Variants in AHRR observed in about 807,000 individuals in gnomAD.
AHRR encodes aryl hydrocarbon receptor repressor.
A neutral mutation model predicts 44.0 loss-of-function variants in AHRR; 28 were observed. The ratio of observed to expected loss-of-function variants is 0.64; its 90% CI spans 0.47 to 0.87. The LOEUF (loss-of-function observed/expected upper bound fraction) is 0.87, where lower values mean the gene tolerates loss of function less well. AHRR is among the 40% of genes least tolerant of loss of function. The pLI, the probability that AHRR is intolerant of heterozygous loss-of-function variation, is 0.00. For missense variants in AHRR, 990 were observed against 953.9 expected (o/e 1.04, Z -0.50); for synonymous variants, 434 against 407.0 (o/e 1.07, Z -0.80).
At chr5:348,917 T>C (rs1410226478) in intron 2 of AHRR, among the ~76,000 whole-genome samples, 1 of 152,232 alleles carries the variant, frequency 6.6e-6, no homozygotes, top group Non-Finnish European at 1.5e-5. Context: ...AGTGGTGTCA[T>C]TTCCCATTCC....
intron 3 of AHRR, 53 bp from the exon 4 acceptor site, chr5:376,557 A>AACGCGGGGAAACACAGGAAAGCT: frequency 7.0e-7 from 1 of 1,423,178 alleles, no homozygotes; most frequent in Non-Finnish European, 9.5e-7. Context: ...AATGAAGAAG[A>AACGCGGGGAAACACAGGAAAGCT]GTGGCCAGGC....
At chr5:367,946 T>C in intron 3 of AHRR, 1 of 702,520 alleles carries the variant, frequency 1.4e-6, no homozygotes, top group Non-Finnish European at 2.6e-6. Flanking sequence ...CTGTTGATGG[T>C]GAATATTGCA....
At chr5:408,209 G>A (rs1192156398) in intron 4 of AHRR, among the ~76,000 whole-genome samples, 1 of 152,238 alleles carries the variant, frequency 6.6e-6, no homozygotes, top group Non-Finnish European at 1.5e-5. Flanking sequence ...GCCATCCTGG[G>A]GGCCAGGGTT....
intron 3 of AHRR, among the ~76,000 whole-genome samples, chr5:361,522 G>A (rs1200871773): frequency 1.3e-5 from 2 of 152,202 alleles, no homozygotes; most frequent in Non-Finnish European, 2.9e-5. Context: ...CAGGCACAGG[G>A]CAGGGCTGTC....
chr5:403,032 G>T lies in AHRR; in HGVS notation c.352-10312G>T, dbSNP rs530313663. ...AGTCAGTGGTTACCAGGGGCCGGGG[G>T]TGTGGGAGGGGGATAAAGAAGGAAG... On this transcript the variant is annotated intron_variant, in intron 4 of 10. Coordinates refer to ENST00000684583, the MANE Select transcript of AHRR (RefSeq NM_001377236.1). Among the ~76,000 whole-genome samples the T allele has an allele frequency of 2.6e-5, 4 of 152,300 alleles. No homozygotes were observed. The East Asian group carries it at 5.8e-4, about 22-fold the overall frequency.
At position 386,552 on chromosome 5, in the gene AHRR, G is replaced by A. The variant is rs1190718054; in HGVS notation, c.351+9836G>A. 2.6e-5 allele frequency among the ~76,000 whole-genome samples: 4 copies of A among 152,374 alleles called. No homozygotes were observed. The East Asian group carries it at 7.7e-4, about 29-fold the overall frequency. ...CCTTGGCCCTGAGCCAAGGTGTGGA[G>A]CGCAGGCAGCCTCTTGAAGCTGGGA... is the stretch of plus-strand genomic sequence containing the variant. On this transcript the variant is annotated intron_variant, in intron 4 of 10. Transcript: ENST00000684583.
chr5:432,267 C>T, intron 8 of AHRR, 196 bp from the exon 9 acceptor site: 1 of 568,836 alleles, frequency 1.8e-6, no homozygotes, highest in Non-Finnish European at 3.1e-6. Context: ...ACAATATTTT[C>T]AGTAAACCTG....
intron 3 of AHRR, among the ~76,000 whole-genome samples, chr5:359,641 C>T (rs910492750): frequency 6.6e-6 from 1 of 152,236 alleles, no homozygotes; most frequent in Admixed American, 6.5e-5. Context: ...TCACCCGCAG[C>T]AGCATCGGAG....
intron 4 of AHRR, among the ~76,000 whole-genome samples, chr5:400,162 G>T (rs141264021): frequency 6.6e-6 from 1 of 152,264 alleles, no homozygotes; most frequent in Admixed American, 6.5e-5. Context: ...CAGCCAGGGG[G>T]ATGTGGAGGG....
At chr5:360,219 C>T (rs913523496) in intron 3 of AHRR, among the ~76,000 whole-genome samples, 2 of 152,070 alleles carry the variant, frequency 1.3e-5, no homozygotes, top group African/African-American at 2.4e-5. Flanking sequence ...GAACACCCCC[C>T]AAAGAAAGGC....
intron 1 of AHRR, among the ~76,000 whole-genome samples, chr5:331,859 C>T (rs1253446991): frequency 6.6e-6 from 1 of 152,212 alleles, no homozygotes; most frequent in African/African-American, 2.4e-5. Context: ...ACAGTTTCAT[C>T]CCAAAACCAT....
At chr5:422,887 C>G in intron 6 of AHRR, 29 bp downstream of exon 6, 2 of 1,595,832 alleles carry the variant, frequency 1.3e-6, no homozygotes, top group Non-Finnish European at 1.7e-6. Flanking sequence ...AGTGAGTCAG[C>G]AAAACCTAAA....
chr5:430,551 G>A (rs910345005), intron 8 of AHRR, among the ~76,000 whole-genome samples: 1 of 152,240 alleles, frequency 6.6e-6, no homozygotes, highest in Non-Finnish European at 1.5e-5. Context: ...AGGCCCCAAG[G>A]CCACCTTGCC....
At chr5:386,177 CATT>C (rs1734162801) in intron 4 of AHRR, among the ~76,000 whole-genome samples, 1 of 152,182 alleles carries the variant, frequency 6.6e-6, no homozygotes, top group East Asian at 1.9e-4. Context: ...CCTTATCTAT[CATT>C]ATATCATCTG....
chr5:392,891 G>A (rs371874108), intron 4 of AHRR, among the ~76,000 whole-genome samples: 6 of 152,038 alleles, frequency 3.9e-5, no homozygotes, highest in East Asian at 3.9e-4. Flanking sequence ...TTCATTTTCT[G>A]CGTTTCCTTC....
At position 326,426 on chromosome 5, in the gene AHRR, C is replaced by CT; in HGVS notation, c.-11+4611dup. Among the ~76,000 whole-genome samples, 1 of 152,348 alleles carries CT rather than the reference C, an allele frequency of 6.6e-6. No individual in the cohort carries two copies. Among genetic ancestry groups the CT allele is most frequent in the Non-Finnish European group, 1.5e-5 (1 of 68,036 alleles). ...GGCAGCACGTGCCAGGGCTTCCTTC[C>CT]TTTTCATGGCTGAATAATATTTCAT... On this transcript the variant is annotated intron_variant, in intron 1 of 10. Coordinates refer to ENST00000684583, the MANE Select transcript of AHRR (RefSeq NM_001377236.1). This position sits in a 1 kb window ranked among gnomAD's most constrained non-coding sequence, Gnocchi z 4.1.
Position 422,751 on chromosome 5 carries a change from T to C in AHRR, c.464T>C (p.Ile155Thr). ...FHQTDVMHQN[I>T]YDYIHVDDRQ... ...CAGACGGATGTAATGCACCAGAACA[T>C]TTATGACTACATCCACGTGGACGAC... is the stretch of plus-strand genomic sequence containing the variant. The change falls in exon 6 of 11, where the codon ATT becomes ACT. Residue 155 changes from isoleucine to threonine, a missense_variant. By Grantham distance (89) the Ile-to-Thr change is moderately conservative. Transcript: ENST00000684583. 9.9e-6 allele frequency: 16 copies of C among 1,614,138 alleles called. No homozygotes were observed. The highest frequency in any genetic ancestry group is 1.3e-5 in the Non-Finnish European group (15 of 1,180,022).
chr5:346,961 C>T (rs1390442218), intron 2 of AHRR, among the ~76,000 whole-genome samples: 1 of 152,188 alleles, frequency 6.6e-6, no homozygotes, highest in Non-Finnish European at 1.5e-5. Flanking sequence ...CCCCCACACT[C>T]GTGTATTGGG....
intron 3 of AHRR, among the ~76,000 whole-genome samples, 174 bp from the exon 4 acceptor site, chr5:376,436 G>C (rs1182319048): frequency 2.2e-5 from 1 of 45,258 alleles, no homozygotes; most frequent in Admixed American, 2.5e-4. Flanking sequence ...CCCCACCTTG[G>C]ACTCTCAGGG....
Sources: allele counts gnomAD v4.1 joint callset (sites outside exome capture counted in the v4.1 genomes callset), GRCh38; gene constraint gnomAD v4.1.1; non-coding constraint Gnocchi (gnomAD v3.1); transcripts MANE v1.5; gene names NCBI Gene and HGNC (gene_info 2026-07-23, HGNC 2026-07-21).